PARD3: variants seen among roughly 807,000 people sequenced by gnomAD.
PARD3 encodes par-3 family cell polarity regulator.
A neutral mutation model predicts 155.4 loss-of-function variants in PARD3; 75 were observed. The ratio of observed to expected loss-of-function variants is 0.48; its 90% CI spans 0.40 to 0.58. PARD3 has a LOEUF of 0.58. Among genes scored for constraint, PARD3 ranks in the 20% least tolerant of loss-of-function variants. The probability of loss-of-function intolerance (pLI) is 0.00; values close to 1 mark genes in which losing one functional copy is unlikely to be tolerated. For synonymous variants in PARD3, 576 were observed against 610.5 expected (o/e 0.94, Z 0.83); for missense variants, 1,642 against 1,721.7 (o/e 0.95, Z 0.82).
At chr10:34,811,565 T>C (rs935798431) in intron 1 of PARD3, among the ~76,000 whole-genome samples, 8 of 152,128 alleles carry the variant, frequency 5.3e-5, no homozygotes, top group African/African-American at 1.9e-4. Context: ...CCCATAATGA[T>C]AGCACCCACC....
chr10:34,585,239 C>T (rs937058655), intron 2 of PARD3, among the ~76,000 whole-genome samples: 1 of 152,258 alleles, frequency 6.6e-6, no homozygotes, highest in African/African-American at 2.4e-5. Context: ...AAATCACTTA[C>T]TCGAAAATCG....
chr10:34,693,669 A>G (rs2094111702), intron 2 of PARD3, among the ~76,000 whole-genome samples: 1 of 152,140 alleles, frequency 6.6e-6, no homozygotes, highest in South Asian at 2.1e-4. Flanking sequence ...CAATTTACCT[A>G]TATAACAAAC....
intron 23 of PARD3, among the ~76,000 whole-genome samples, chr10:34,125,310 C>G (rs909159234): frequency 6.6e-6 from 1 of 152,046 alleles, no homozygotes; most frequent in Non-Finnish European, 1.5e-5. Flanking sequence ...CGGGATCCAC[C>G]CACCTGGGCC....
intron 2 of PARD3, among the ~76,000 whole-genome samples, chr10:34,567,251 C>T (rs562576676): frequency 2.5e-4 from 38 of 152,182 alleles, no homozygotes; most frequent in African/African-American, 8.7e-4. Context: ...TTGTATTATG[C>T]GATGGACTGA....
At chr10:34,423,620 A>T (rs1004760767) in intron 5 of PARD3, among the ~76,000 whole-genome samples, 1 of 152,192 alleles carries the variant, frequency 6.6e-6, no homozygotes, top group Non-Finnish European at 1.5e-5. Flanking sequence ...GAAAAGGAAT[A>T]ATTCTTGTAA....
intron 2 of PARD3, among the ~76,000 whole-genome samples, chr10:34,679,448 A>C (rs2093771160): frequency 1.3e-5 from 2 of 152,214 alleles, no homozygotes; most frequent in Non-Finnish European, 2.9e-5. Flanking sequence ...AGAGGGCTAT[A>C]GGATAGGATC....
intron 3 of PARD3, among the ~76,000 whole-genome samples, chr10:34,508,003 C>T (rs2081188701): frequency 6.6e-6 from 1 of 152,062 alleles, no homozygotes; most frequent in South Asian, 2.1e-4. Flanking sequence ...GTTAGAAGGA[C>T]AGATCTCTAT....
chr10:34,371,486 C>CAAAAAAAAA (rs968034029), intron 12 of PARD3, among the ~76,000 whole-genome samples: 8 of 22,742 alleles, frequency 3.5e-4, no homozygotes, highest in Admixed American at 7.2e-4. Context: ...ATTCTAGACT[C>CAAAAAAAAA]AAAAAAAAAA....
chr10:34,718,151 A>G (rs1273877013), intron 1 of PARD3, among the ~76,000 whole-genome samples: 2 of 69,614 alleles, frequency 2.9e-5, no homozygotes, highest in African/African-American at 1.0e-4. Context: ...CTCCATCTCA[A>G]AAAAAAAAAA....
intron 14 of PARD3, among the ~76,000 whole-genome samples, chr10:34,352,578 C>A (rs112685310): frequency 6.6e-6 from 1 of 152,230 alleles, no homozygotes; most frequent in Non-Finnish European, 1.5e-5. Flanking sequence ...AGCTCCTGAC[C>A]GCGAGTGATC....
intron 2 of PARD3, among the ~76,000 whole-genome samples, chr10:34,666,389 T>C (rs2476995): frequency 0.41 from 61,911 of 151,800 alleles, 13,255 homozygotes; most frequent in African/African-American, 0.55. Flanking sequence ...TGATACAGAA[T>C]AAAAATGTCT....
At chr10:34,618,605 A>C (rs1412352958) in intron 2 of PARD3, among the ~76,000 whole-genome samples, 1 of 152,190 alleles carries the variant, frequency 6.6e-6, no homozygotes, top group Non-Finnish European at 1.5e-5. Flanking sequence ...CCCAAACTGA[A>C]CTAATGGTAT....
chr10:34,177,212 A>G (rs1446024319), intron 22 of PARD3, among the ~76,000 whole-genome samples: 1 of 152,176 alleles, frequency 6.6e-6, no homozygotes, highest in Non-Finnish European at 1.5e-5. Context: ...AAAAAATATA[A>G]AATATTTCAA....
intron 5 of PARD3, among the ~76,000 whole-genome samples, chr10:34,420,166 C>T (rs183147941): frequency 2.0e-5 from 3 of 152,254 alleles, no homozygotes; most frequent in Middle Eastern, 3.4e-3. Flanking sequence ...ATTGCCCAGG[C>T]TAAATCAATT....
chr10:34,660,693 A>C (rs1364213750), intron 2 of PARD3, among the ~76,000 whole-genome samples: 1 of 152,120 alleles, frequency 6.6e-6, no homozygotes, highest in Non-Finnish European at 1.5e-5. Context: ...CAGGGTTAGA[A>C]AGTGTAAGTT....
intron 1 of PARD3, among the ~76,000 whole-genome samples, chr10:34,703,233 A>G (rs953055040): frequency 1.3e-5 from 2 of 151,754 alleles, no homozygotes; most frequent in African/African-American, 4.8e-5. Flanking sequence ...AAAAAAAACC[A>G]TAAAAATAAG....
intron 1 of PARD3, among the ~76,000 whole-genome samples, chr10:34,794,563 A>G (rs1348924024): frequency 6.6e-6 from 1 of 152,218 alleles, no homozygotes; most frequent in Non-Finnish European, 1.5e-5. Context: ...ACCTCTGTGT[A>G]TGAACTTGGG....
At chr10:34,373,118 C>A (rs1282469093) in intron 11 of PARD3, among the ~76,000 whole-genome samples, 1 of 151,856 alleles carries the variant, frequency 6.6e-6, no homozygotes, top group Non-Finnish European at 1.5e-5. Flanking sequence ...ACAGACACCC[C>A]AAACAGAGGA....
At chr10:34,184,638 G>A (rs1950405413) in intron 22 of PARD3, among the ~76,000 whole-genome samples, 1 of 151,068 alleles carries the variant, frequency 6.6e-6, no homozygotes, top group African/African-American at 2.4e-5. Context: ...TCAAGGGATT[G>A]TCGATTTACA....
Sources: gnomAD v4.1 joint callset for allele counts (sites outside exome capture counted in the v4.1 genomes callset) on GRCh38, gnomAD v4.1.1 for gene constraint, MANE v1.5 for transcripts, NCBI Gene and HGNC (gene_info 2026-07-23, HGNC 2026-07-21) for gene names.